SLC6A11: variants seen among roughly 807,000 people sequenced by gnomAD.
SLC6A11 encodes solute carrier family 6 member 11, also known as sodium- and chloride-dependent GABA transporter 3.
SLC6A11 carries 25 observed loss-of-function variants against 74.8 expected under a neutral mutation model. The observed-to-expected ratio is 0.33, with a 90% CI of 0.24 to 0.47. SLC6A11 has a LOEUF of 0.47. SLC6A11 is among the 20% of genes least tolerant of loss of function. The probability of loss-of-function intolerance (pLI) is 1.00; values close to 1 mark genes in which losing one functional copy is unlikely to be tolerated. For missense variants in SLC6A11, 574 were observed against 837.0 expected (o/e 0.69, Z 3.88); for synonymous variants, 330 against 330.2 (o/e 1.00, Z 0.01).
chr3:10,890,293 A>G (rs954673316), intron 6 of SLC6A11, among the ~76,000 whole-genome samples: 2 of 152,258 alleles, frequency 1.3e-5, no homozygotes, highest in Non-Finnish European at 2.9e-5. Flanking sequence ...GCACGCTGAC[A>G]GCCCTTGTGG....
intron 5 of SLC6A11, among the ~76,000 whole-genome samples, chr3:10,873,510 CT>C (rs1281979465): frequency 1.7e-4 from 26 of 151,638 alleles, no homozygotes; most frequent in South Asian, 1.3e-3. Context: ...CTATCCTATC[CT>C]ATGCCATGCC....
At chr3:10,929,829 T>C (rs1695661864) in intron 10 of SLC6A11, among the ~76,000 whole-genome samples, 1 of 152,152 alleles carries the variant, frequency 6.6e-6, no homozygotes, top group African/African-American at 2.4e-5. Flanking sequence ...CCTCTTCTCA[T>C]TGTCCCTGCT....
chr3:10,934,158 A>T lies in SLC6A11; in HGVS notation c.1567A>T (p.Ile523Phe). 1 of 1,611,686 alleles carries T rather than the reference A, an allele frequency of 6.2e-7. No individual in the cohort carries two copies. The highest frequency in any genetic ancestry group is 2.2e-5 in the East Asian group (1 of 44,852). Residue 523 changes from isoleucine (I) to phenylalanine (F), a missense_variant, in exon 12 of 14, where the codon ATC (isoleucine) becomes TTC (phenylalanine). Ile to Phe is a conservative substitution (Grantham distance 21). Coordinates refer to ENST00000254488, the MANE Select transcript of SLC6A11 (RefSeq NM_014229.3). ...GTGCTGGATGATCATGACCCCTGGG[A>T]TCTGCGCGGTAAGGGCCCCACCAGG... ...KWCWMIMTPG[I>F]CAGIFIFFLI...
chr3:10,817,674 G>A (rs1477667423), intron 1 of SLC6A11, among the ~76,000 whole-genome samples: 1 of 152,246 alleles, frequency 6.6e-6, no homozygotes, highest in African/African-American at 2.4e-5. Context: ...AGGACTTCCT[G>A]TGCGAGCAGC....
chr3:10,879,403 G>T (rs1257133533), intron 6 of SLC6A11, among the ~76,000 whole-genome samples: 2 of 152,242 alleles, frequency 1.3e-5, no homozygotes, highest in Non-Finnish European at 1.5e-5. Flanking sequence ...GCCCAGTGTG[G>T]CCTAATTCCA....
chr3:10,929,400 C>T, intron 10 of SLC6A11, 61 bp downstream of exon 10: 8 of 1,582,622 alleles, frequency 5.1e-6, no homozygotes, highest in Non-Finnish European at 6.9e-6. Context: ...ACTCCCAGCT[C>T]TAAAAGTGAC....
At chr3:10,889,722 A>G (rs1001023507) in intron 6 of SLC6A11, among the ~76,000 whole-genome samples, 6 of 152,314 alleles carry the variant, frequency 3.9e-5, no homozygotes, top group Middle Eastern at 3.4e-3. Flanking sequence ...TTTTATACAC[A>G]TGAAAATTTG....
rs201319270 is a variant in SLC6A11, at chr3:10,918,336, A to G, written c.1003A>G (p.Ile335Val). 15 of 1,601,174 alleles carry G rather than the reference A, an allele frequency of 9.4e-6. No individual in the cohort carries two copies. The highest frequency in any genetic ancestry group is 1.2e-5 in the Non-Finnish European group (14 of 1,175,142). Residue 335 changes from isoleucine (I) to valine (V), a missense_variant, in exon 8 of 14, where the codon ATC becomes GTC. By Grantham distance (29) the Ile-to-Val change is conservative (BLOSUM62 3). Transcript: ENST00000254488. This position sits in a 1 kb window ranked among gnomAD's most constrained non-coding sequence, Gnocchi z 4.5. ...NYNNNCYRDC[I>V]MLCCLNSGTS... is the part of the protein sequence containing the mutation. ...CTCGCTGCTTCCCCACAGGGACTGC[A>G]TCATGCTCTGTTGCCTGAACAGCGG...
At chr3:10,900,596 A>G (rs1695228067) in intron 6 of SLC6A11, among the ~76,000 whole-genome samples, 1 of 152,130 alleles carries the variant, frequency 6.6e-6, no homozygotes, top group Admixed American at 6.5e-5. Flanking sequence ...CTTGAAGTTT[A>G]GCTCCCTTTT....
chr3:10,881,433 T>C, intron 6 of SLC6A11, among the ~76,000 whole-genome samples: 1 of 152,236 alleles, frequency 6.6e-6, no homozygotes, highest in Non-Finnish European at 1.5e-5. Context: ...AATAAGTAAG[T>C]AAAGTAGAGT....
chr3:10,867,881 A>G (rs11918616), intron 5 of SLC6A11, among the ~76,000 whole-genome samples: 7,876 of 152,248 alleles, frequency 0.052, 339 homozygotes, highest in African/African-American at 0.12. Context: ...CTTTGGCTAG[A>G]ATTTAATCAC....
Position 10,816,889 on chromosome 3 carries a change from A to G in SLC6A11, c.256+368A>G, listed in dbSNP as rs1210733419. ...CTAACTGGGAAAACGGCCTGTGGGG[A>G]AGGGACTCCTGATGATCAAAGTGGT... On this transcript the variant is annotated intron_variant, in intron 1 of 13. Coordinates refer to ENST00000254488, the MANE Select transcript of SLC6A11 (RefSeq NM_014229.3). This position sits in a 1 kb window ranked among gnomAD's most constrained non-coding sequence, Gnocchi z 4.2. Among the ~76,000 whole-genome samples the G allele has an allele frequency of 6.6e-6, 1 of 152,184 alleles. No homozygotes were observed. The highest frequency in any genetic ancestry group is 1.9e-4 in the East Asian group (1 of 5,182).
intron 5 of SLC6A11, among the ~76,000 whole-genome samples, chr3:10,859,842 C>G (rs1230537871): frequency 6.6e-6 from 1 of 152,136 alleles, no homozygotes; most frequent in Non-Finnish European, 1.5e-5. Flanking sequence ...TAAACACTTC[C>G]AATTAATCTA....
At chr3:10,911,163 A>T (rs1358473651) in intron 6 of SLC6A11, among the ~76,000 whole-genome samples, 1 of 152,220 alleles carries the variant, frequency 6.6e-6, no homozygotes, top group Non-Finnish European at 1.5e-5. Flanking sequence ...CATGAAGGGC[A>T]GTAATGCGTG....
chr3:10,828,605 TC>T (rs1203467929), intron 4 of SLC6A11, among the ~76,000 whole-genome samples: 2 of 152,182 alleles, frequency 1.3e-5, no homozygotes, highest in African/African-American at 4.8e-5. Flanking sequence ...ACGGGCCTTG[TC>T]CCAGGGTCAG....
rs558955692 is a variant in SLC6A11 at position 10,816,870 on chromosome 3, G to C, written c.256+349G>C. Among the ~76,000 whole-genome samples the C allele has an allele frequency of 3.3e-4, 51 of 152,334 alleles. No homozygotes were observed. In the South Asian group the frequency reaches 0.01, roughly 30 times the overall value. Reference sequence around the variant, plus strand: ...CCTTGGAGCCTCAGCTTTCCTAACTGGGAAAACGGCCTGTGGGGAAGGGAC... The same window carrying C: ...CCTTGGAGCCTCAGCTTTCCTAACTCGGAAAACGGCCTGTGGGGAAGGGAC... On this transcript the variant is annotated intron_variant, in intron 1 of 13. Coordinates refer to ENST00000254488, the MANE Select transcript of SLC6A11 (RefSeq NM_014229.3). This position sits in a 1 kb window ranked among gnomAD's most constrained non-coding sequence, Gnocchi z 4.2.
At chr3:10,846,944 T>C (rs1194259872) in intron 5 of SLC6A11, among the ~76,000 whole-genome samples, 7 of 152,190 alleles carry the variant, frequency 4.6e-5, no homozygotes, top group African/African-American at 1.7e-4. Flanking sequence ...AGTGGTGTCC[T>C]TTCACACATC....
chr3:10,869,053 G>T (rs1694798865), intron 5 of SLC6A11, among the ~76,000 whole-genome samples: 1 of 152,196 alleles, frequency 6.6e-6, no homozygotes, highest in Admixed American at 6.5e-5. Flanking sequence ...ATCTCAGCCT[G>T]CTTCTTTATT....
chr3:10,840,980 A>C (rs570110377), intron 4 of SLC6A11, among the ~76,000 whole-genome samples: 1 of 152,232 alleles, frequency 6.6e-6, no homozygotes, highest in South Asian at 2.1e-4. Flanking sequence ...CGCTTCCCCG[A>C]GGTGGAGCAG....
Sources: allele counts gnomAD v4.1 joint callset (sites outside exome capture counted in the v4.1 genomes callset), GRCh38; gene constraint gnomAD v4.1.1; non-coding constraint Gnocchi (gnomAD v3.1); transcripts MANE v1.5; gene names NCBI Gene and HGNC (gene_info 2026-07-23, HGNC 2026-07-21).